Variants in FBXL2 observed in about 807,000 individuals in gnomAD.
The protein encoded by FBXL2 is F-box/LRR-repeat protein 2.
Under a neutral mutation model 69.2 loss-of-function variants are expected in FBXL2, and 38 were observed. That is an observed-to-expected ratio of 0.55 (90% CI 0.42 to 0.72). The LOEUF (loss-of-function observed/expected upper bound fraction) is 0.72, where lower values mean the gene tolerates loss of function less well. Among genes scored for constraint, FBXL2 ranks in the 30% least tolerant of loss-of-function variants. The pLI is 0.00. For synonymous variants in FBXL2, 192 were observed against 201.3 expected, an observed-to-expected ratio of 0.95 and a Z score of 0.39; for missense variants, 354 against 520.3, an observed-to-expected ratio of 0.68 and a Z score of 3.11.
intron 13 of FBXL2, chr3:33,383,566 G>A: frequency 4.5e-6 from 1 of 222,530 alleles, no homozygotes; most frequent in Non-Finnish European, 9.1e-6. Flanking sequence ...GACATTAGAT[G>A]CATTGATTTC....
chr3:33,362,462 A>G (rs2041691079), intron 4 of FBXL2, among the ~76,000 whole-genome samples: 1 of 152,110 alleles, frequency 6.6e-6, no homozygotes, highest in East Asian at 1.9e-4. Context: ...TGGCTTGAAT[A>G]TTGCACTGAA....
At chr3:33,361,620 C>G (rs2041635568) in intron 4 of FBXL2, among the ~76,000 whole-genome samples, 1 of 152,228 alleles carries the variant, frequency 6.6e-6, no homozygotes, top group Non-Finnish European at 1.5e-5. Context: ...TTTCAGCTAA[C>G]TGCCATATAA....
chr3:33,395,211 G>C (rs564221441), intron 12 of FBXL2, among the ~76,000 whole-genome samples: 7 of 152,108 alleles, frequency 4.6e-5, no homozygotes, highest in Admixed American at 2.0e-4. Flanking sequence ...AAATAGAAAA[G>C]TTCACAGTAG....
intron 2 of FBXL2, among the ~76,000 whole-genome samples, chr3:33,311,765 C>T (rs1254854147): frequency 2.6e-5 from 4 of 152,044 alleles, no homozygotes; most frequent in African/African-American, 9.7e-5. Flanking sequence ...GCTGGGACTA[C>T]AGGCGCATGC....
rs2041442389 is a variant in FBXL2, at chr3:33,359,271, C to T, written c.121-12C>T. ...CATCCCAATCCCTCTTCCTTTACCT[C>T]CCACCTTCCAGGCTTGGAACATCTT... On this transcript the variant is annotated splice_polypyrimidine_tract_variant and intron_variant, in intron 3 of 14. Coordinates refer to ENST00000484457, the MANE Select transcript of FBXL2 (RefSeq NM_012157.5). 1.2e-6 allele frequency: 2 copies of T among 1,607,166 alleles called. No homozygotes were observed. The highest frequency in any genetic ancestry group is 1.7e-6 in the Non-Finnish European group (2 of 1,175,422).
At chr3:33,381,277 A>G (rs1390068554) in intron 13 of FBXL2, among the ~76,000 whole-genome samples, 2 of 152,224 alleles carry the variant, frequency 1.3e-5, no homozygotes, top group East Asian at 3.8e-4. Context: ...TGACATTCAT[A>G]CACCATCTCC....
chr3:33,342,769 A>G (rs2040143483), intron 2 of FBXL2, among the ~76,000 whole-genome samples: 1 of 108,128 alleles, frequency 9.2e-6, no homozygotes, highest in African/African-American at 3.7e-5. Context: ...TCTGTCACCT[A>G]GGCTGGAGTG....
chr3:33,352,152 A>G (rs2040871147), intron 2 of FBXL2, among the ~76,000 whole-genome samples: 1 of 152,196 alleles, frequency 6.6e-6, no homozygotes, highest in African/African-American at 2.4e-5. Context: ...AACAGAATAG[A>G]GAGCCTAAAA....
At chr3:33,310,726 G>T (rs1393367683) in intron 2 of FBXL2, among the ~76,000 whole-genome samples, 1 of 151,812 alleles carries the variant, frequency 6.6e-6, no homozygotes, top group Non-Finnish European at 1.5e-5. Context: ...GGACAGCTTT[G>T]CCTGGGTAAA....
intron 1 of FBXL2, among the ~76,000 whole-genome samples, chr3:33,279,695 A>T (rs1029388001): frequency 1.3e-5 from 2 of 152,236 alleles, no homozygotes; most frequent in Admixed American, 6.5e-5. Context: ...TTCTTCAATT[A>T]AGCCATTTAT....
At chr3:33,281,687 C>T (rs1288110754) in intron 1 of FBXL2, among the ~76,000 whole-genome samples, 1 of 152,118 alleles carries the variant, frequency 6.6e-6, no homozygotes, top group Non-Finnish European at 1.5e-5. Flanking sequence ...CCTATTTCTC[C>T]ACATCCTCTC....
chr3:33,291,643 A>T (rs1224185274), intron 1 of FBXL2, among the ~76,000 whole-genome samples: 1 of 152,206 alleles, frequency 6.6e-6, no homozygotes, highest in African/African-American at 2.4e-5. Context: ...GATAAGTTAA[A>T]GATGCACTCT....
upstream of FBXL2, chr3:33,277,356 C>A: frequency 1.4e-6 from 1 of 723,138 alleles, no homozygotes; most frequent in Non-Finnish European, 1.9e-6. Flanking sequence ...GTCCAAAGGG[C>A]ACCGCCCCTG....
In FBXL2 at chr3:33,383,818, CTT is replaced by C. The variant is rs1230900795; in HGVS notation, c.952-170_952-169del. The stretch of plus-strand genomic sequence containing the variant: ...CTGGATAATTTGTAATGAACAGAAA[CTT>C]CTCATAGTTCTGAAGGCTGGGAAGT... On this transcript the variant is annotated intron_variant, in intron 13 of 14. Transcript: ENST00000484457. 2.0e-5 allele frequency: 12 copies of C among 606,176 alleles called. No homozygotes were observed. The African/African-American group carries it at 2.0e-4, about 10-fold the overall frequency. 37.5% of individuals were successfully genotyped at this position (606,176 alleles called of 1,614,324 possible).
intron 2 of FBXL2, among the ~76,000 whole-genome samples, chr3:33,340,946 C>T (rs1453343838): frequency 3.4e-5 from 5 of 147,300 alleles, no homozygotes; most frequent in Non-Finnish European, 3.0e-5. Flanking sequence ...AATTGCCTAT[C>T]TTATGCAAAC....
chr3:33,373,939 C>A lies in FBXL2; in HGVS notation c.657+18C>A, dbSNP rs2042464869. ...CCTGCTCAGTAAGTAGCGTGCCTTT[C>A]CTGAACACTGTTTGCTCTATCTTGT... is the stretch of plus-strand genomic sequence containing the variant. On this transcript the variant is annotated intron_variant, in intron 9 of 14. Coordinates refer to ENST00000484457, the MANE Select transcript of FBXL2 (RefSeq NM_012157.5). 1.9e-6 allele frequency: 3 copies of A among 1,612,330 alleles called. No homozygotes were observed. Among genetic ancestry groups the A allele is most frequent in the Non-Finnish European group, 2.5e-6 (3 of 1,178,520 alleles).
At chr3:33,393,082 C>G, downstream of FBXL2, 1 of 457,550 alleles carries the variant, frequency 2.2e-6, no homozygotes, top group Non-Finnish European at 3.7e-6. Context: ...TGGCTGCATC[C>G]TAAAGGGCTG....
intron 13 of FBXL2, chr3:33,383,415 C>G (rs1014566633): frequency 6.5e-6 from 1 of 154,832 alleles, no homozygotes; most frequent in Non-Finnish European, 1.4e-5. Flanking sequence ...CTGAATTTAT[C>G]TTTTGCAACC....
chr3:33,408,579 G>A (rs1033203333), downstream of FBXL2: 2 of 744,918 alleles, frequency 2.7e-6, no homozygotes, highest in African/African-American at 3.6e-5. Context: ...ATTAAATCAA[G>A]ACATGGACAT....
Sources: allele counts gnomAD v4.1 joint callset (sites outside exome capture counted in the v4.1 genomes callset), GRCh38; gene constraint gnomAD v4.1.1; transcripts MANE v1.5; gene names NCBI Gene and HGNC (gene_info 2026-07-23, HGNC 2026-07-21).